Variants in TMEM278 observed in about 807,000 individuals in gnomAD.
TMEM278 encodes transmembrane protein 278.
At chr1:1,427,060 CT>C in the TMEM278 span, among the ~76,000 whole-genome samples, 1 of 144,628 alleles carries the variant, frequency 6.9e-6, no homozygotes, top group African/African-American at 2.6e-5. Flanking sequence ...GGCCCTAATC[CT>C]TCATCCCTCC....
chr1:1,427,330 G>A, the TMEM278 span, among the ~76,000 whole-genome samples: 8 of 35,262 alleles, frequency 2.3e-4, no homozygotes, highest in South Asian at 5.3e-3. Context: ...TCTCCTCCGC[G>A]CCTCCCCTTC....
chr1:1,426,786 A>G, the TMEM278 span, among the ~76,000 whole-genome samples: 1 of 151,204 alleles, frequency 6.6e-6, no homozygotes, highest in African/African-American at 2.4e-5. Flanking sequence ...GGGCTTCCCC[A>G]CCTGCAGAGT....
At chr1:1,429,063 G>A in the TMEM278 span, among the ~76,000 whole-genome samples, 1 of 152,048 alleles carries the variant, frequency 6.6e-6, no homozygotes, top group Admixed American at 6.6e-5. Context: ...CAGCTACTTG[G>A]GAGGCTGAGG....
chr1:1,426,034 C>T, the TMEM278 span: 17 of 1,266,066 alleles, frequency 1.3e-5, no homozygotes, highest in East Asian at 3.1e-5. Context: ...CTGGCTGCAA[C>T]GTGGGGCGGG....
chr1:1,426,730 C>T, the TMEM278 span, among the ~76,000 whole-genome samples: 3 of 152,066 alleles, frequency 2.0e-5, no homozygotes, highest in East Asian at 5.8e-4. Context: ...GCCCCCAGCC[C>T]CTCCCCAAAC....
chr1:1,426,848 G>A, the TMEM278 span, among the ~76,000 whole-genome samples: 11 of 152,120 alleles, frequency 7.2e-5, no homozygotes, highest in East Asian at 1.4e-3. Flanking sequence ...CACGGGGGCT[G>A]GCGCCAGCTG....
the TMEM278 span, among the ~76,000 whole-genome samples, chr1:1,426,994 C>T: frequency 6.6e-6 from 1 of 151,604 alleles, no homozygotes; most frequent in South Asian, 2.1e-4. Flanking sequence ...TCAGCACTGC[C>T]TGGCCCACAG....
At chr1:1,426,507 C>G in the TMEM278 span, 4,918 of 797,358 alleles carry the variant, frequency 6.2e-3, 169 homozygotes, top group African/African-American at 0.079. Context: ...ACGTGTGCCC[C>G]TCCCTGGCAG....
At chr1:1,426,010 C>A in the TMEM278 span, 1 of 1,258,570 alleles carries the variant, frequency 7.9e-7, no homozygotes, top group Non-Finnish European at 1.0e-6. Context: ...CACGGTCTGG[C>A]TGGGGGATGT....
the TMEM278 span, chr1:1,427,769 A>T: frequency 2.2e-6 from 3 of 1,349,342 alleles, no homozygotes; most frequent in Non-Finnish European, 2.9e-6. Flanking sequence ...AGGACGAGCA[A>T]CTCTGCGCCT....
chr1:1,427,708 C>T, the TMEM278 span: 1 of 1,324,050 alleles, frequency 7.6e-7, no homozygotes, highest in Non-Finnish European at 9.6e-7. Flanking sequence ...CCGCTGCTGC[C>T]TCCGCCCGCT....
the TMEM278 span, chr1:1,427,829 C>T: frequency 7.4e-7 from 1 of 1,359,526 alleles, no homozygotes; most frequent in Non-Finnish European, 9.5e-7. Context: ...TCCGAGCTCG[C>T]GCGCGACCCC....
At chr1:1,427,760 G>C in the TMEM278 span, 4 of 1,327,690 alleles carry the variant, frequency 3.0e-6, no homozygotes, top group South Asian at 3.6e-5. Flanking sequence ...GCCCCGACGA[G>C]GACGAGCAAC....
the TMEM278 span, among the ~76,000 whole-genome samples, chr1:1,430,020 G>C: frequency 0.042 from 6,415 of 152,238 alleles, 184 homozygotes; most frequent in Middle Eastern, 0.14. Flanking sequence ...ACCACACCCA[G>C]CTAATTTTAA....
the TMEM278 span, among the ~76,000 whole-genome samples, chr1:1,427,394 T>A: frequency 1.9e-3 from 3 of 1,580 alleles, no homozygotes; most frequent in Non-Finnish European, 4.6e-3. Flanking sequence ...CCTGCTCCCC[T>A]CTTCTCCCCC....
the TMEM278 span, chr1:1,426,254 G>A: frequency 1.3e-6 from 2 of 1,489,886 alleles, no homozygotes; most frequent in East Asian, 2.7e-5. Context: ...AGGGTGGTCG[G>A]GGCCCCCGCT....
At chr1:1,426,171 G>A in the TMEM278 span, 1 of 1,416,868 alleles carries the variant, frequency 7.1e-7, no homozygotes, top group East Asian at 2.8e-5. Context: ...GAGGGGGGAG[G>A]TGGTGCTTCC....
chr1:1,428,187 A>G, the TMEM278 span, among the ~76,000 whole-genome samples: 5 of 101,178 alleles, frequency 4.9e-5, no homozygotes, highest in African/African-American at 4.0e-5. Context: ...GGGGAGGGGA[A>G]GAGAGGGGAG....
the TMEM278 span, among the ~76,000 whole-genome samples, chr1:1,427,112 G>C: frequency 8.4e-6 from 1 of 118,798 alleles, no homozygotes; most frequent in African/African-American, 3.1e-5. Flanking sequence ...AGCCCGCCAC[G>C]GCCCCTCTAC....
Sources: allele counts gnomAD v4.1 joint callset (sites outside exome capture counted in the v4.1 genomes callset), GRCh38; gene constraint gnomAD v4.1.1; transcripts MANE v1.5; gene names NCBI Gene and HGNC (gene_info 2026-07-23, HGNC 2026-07-21).